FOXP1: variants seen among roughly 807,000 people sequenced by gnomAD.
The protein encoded by FOXP1 is forkhead box protein P1.
A neutral mutation model predicts 98.2 loss-of-function variants in FOXP1; 15 were observed. The observed-to-expected ratio is 0.15, with a 90% CI of 0.10 to 0.24. FOXP1 has a LOEUF of 0.24. Ranked by LOEUF, FOXP1 falls within the 10% of genes least tolerant of loss-of-function variation. The pLI is 1.00. For synonymous variants in FOXP1, 371 were observed against 314.5 expected (o/e 1.18, Z -1.90); for missense variants, 633 against 848.5 (o/e 0.75, Z 3.15).
intron 7 of FOXP1, among the ~76,000 whole-genome samples, chr3:71,056,180 A>G (rs1215134739): frequency 1.3e-5 from 2 of 152,198 alleles, no homozygotes; most frequent in Non-Finnish European, 2.9e-5. Flanking sequence ...TCATCCCTCA[A>G]TAAAACTGAT....
intron 3 of FOXP1, among the ~76,000 whole-genome samples, chr3:71,424,178 T>C (rs907420300): frequency 3.3e-5 from 5 of 152,144 alleles, no homozygotes; most frequent in African/African-American, 1.2e-4. Flanking sequence ...GGATGGTCCT[T>C]TAACCATAGT....
chr3:70,992,820 C>T (rs758709120), intron 13 of FOXP1, among the ~76,000 whole-genome samples: 1 of 152,146 alleles, frequency 6.6e-6, no homozygotes, highest in Non-Finnish European at 1.5e-5. Context: ...CACAGAAGGA[C>T]ATGGAAGTGA....
chr3:71,141,283 A>G (rs1304191502), intron 6 of FOXP1, among the ~76,000 whole-genome samples: 3 of 151,126 alleles, frequency 2.0e-5, no homozygotes, highest in East Asian at 1.9e-4. Flanking sequence ...AAAAAAAAAA[A>G]AAAGAAACTG....
intron 4 of FOXP1, among the ~76,000 whole-genome samples, chr3:71,345,934 T>C (rs2077328649): frequency 8.9e-6 from 1 of 112,328 alleles, no homozygotes; most frequent in African/African-American, 3.4e-5. Context: ...CAATATGCAA[T>C]GAGACAAAGT....
At chr3:71,008,679 C>A (rs571643972) in intron 12 of FOXP1, among the ~76,000 whole-genome samples, 3 of 152,042 alleles carry the variant, frequency 2.0e-5, no homozygotes, top group African/African-American at 7.2e-5. Context: ...TCTGATAAAG[C>A]GTCCCTCTGT....
chr3:70,983,621 C>T (rs1282616220), intron 14 of FOXP1, among the ~76,000 whole-genome samples: 3 of 152,192 alleles, frequency 2.0e-5, no homozygotes, highest in Non-Finnish European at 2.9e-5. Context: ...ATACCACCTA[C>T]ACTGTAATTA....
intron 3 of FOXP1, among the ~76,000 whole-genome samples, chr3:71,435,982 G>GGGAAGGAT (rs2085309976): frequency 2.7e-5 from 4 of 145,616 alleles, no homozygotes; most frequent in Non-Finnish European, 6.1e-5. Context: ...GAGGGAAGGA[G>GGGAAGGAT]GGAAGGAGGG....
intron 6 of FOXP1, among the ~76,000 whole-genome samples, chr3:71,194,291 C>T (rs1202143422): frequency 2.6e-5 from 4 of 151,182 alleles, no homozygotes; most frequent in Non-Finnish European, 5.9e-5. Flanking sequence ...AGAAAGAAAC[C>T]CCACAAAAAC....
intron 3 of FOXP1, among the ~76,000 whole-genome samples, chr3:71,377,152 G>A (rs1187552765): frequency 6.6e-6 from 1 of 152,078 alleles, no homozygotes; most frequent in African/African-American, 2.4e-5. Flanking sequence ...CTGATGCGAA[G>A]GTACCCAAAT....
At chr3:71,156,974 A>G (rs906646339) in intron 6 of FOXP1, among the ~76,000 whole-genome samples, 1 of 152,232 alleles carries the variant, frequency 6.6e-6, no homozygotes, top group African/African-American at 2.4e-5. Context: ...CGAGGTGACT[A>G]AAGAAAAGCC....
intron 7 of FOXP1, chr3:71,064,798 G>A (rs888189390): frequency 2.0e-6 from 2 of 984,964 alleles, no homozygotes; most frequent in Non-Finnish European, 2.4e-6. Context: ...GAGCGAAACC[G>A]GCAAAGATCA....
intron 3 of FOXP1, among the ~76,000 whole-genome samples, chr3:71,474,122 A>T (rs2089606476): frequency 6.6e-6 from 1 of 152,214 alleles, no homozygotes; most frequent in African/African-American, 2.4e-5. Context: ...TAAATTCCAA[A>T]AAAGACTAGA....
At position 70,955,219 on chromosome 3, in the gene FOXP1, T is replaced by A. The variant is rs949438819; in HGVS notation, c.*4028A>T. The A allele has an allele frequency of 4.3e-6, 1 of 232,152 alleles. No homozygotes were observed. Among genetic ancestry groups the A allele is most frequent in the Non-Finnish European group, 8.5e-6 (1 of 117,528 alleles). The allele number at this position is 232,152 out of a possible 1,614,324, so 14.4% of individuals were successfully genotyped here. A position where few individuals can be genotyped will look rare whatever the true frequency, so the allele number is the denominator to read the frequency against. ...GAGAGGAAATATTTTTTAACTCTAT[T>A]TTTTTTCATGAGGAAAAAAAAGCTA... On this transcript the variant is annotated 3_prime_UTR_variant, in exon 21 of 21. Coordinates refer to ENST00000649528, the MANE Select transcript of FOXP1 (RefSeq NM_001349338.3).
chr3:71,306,435 C>T (rs1373201816), intron 4 of FOXP1, among the ~76,000 whole-genome samples: 1 of 151,936 alleles, frequency 6.6e-6, no homozygotes, highest in African/African-American at 2.4e-5. Flanking sequence ...TTTGTTTAGT[C>T]ACAATTGTCA....
chr3:71,345,541 C>T (rs1438658224), intron 4 of FOXP1, among the ~76,000 whole-genome samples: 2 of 152,014 alleles, frequency 1.3e-5, no homozygotes, highest in African/African-American at 4.8e-5. Context: ...TTCTAACTGC[C>T]TTTTTCTCAA....
At chr3:71,035,406 A>C (rs556433720) in intron 11 of FOXP1, among the ~76,000 whole-genome samples, 4 of 152,320 alleles carry the variant, frequency 2.6e-5, no homozygotes, top group African/African-American at 9.6e-5. Flanking sequence ...TAAATATTTC[A>C]GTTTTCGTAG....
At chr3:70,992,766 G>C (rs1215425857) in intron 13 of FOXP1, among the ~76,000 whole-genome samples, 1 of 152,158 alleles carries the variant, frequency 6.6e-6, no homozygotes, top group Non-Finnish European at 1.5e-5. Flanking sequence ...TGCTCCCAGA[G>C]TAAGGCAGGA....
intron 7 of FOXP1, among the ~76,000 whole-genome samples, chr3:71,060,606 T>C (rs2051341649): frequency 6.6e-6 from 1 of 152,126 alleles, no homozygotes; most frequent in Non-Finnish European, 1.5e-5. Context: ...TGTAACAGGT[T>C]AGATGAAAAA....
chr3:71,565,854 G>A (rs369230145), intron 2 of FOXP1, among the ~76,000 whole-genome samples: 1 of 152,150 alleles, frequency 6.6e-6, no homozygotes, highest in Non-Finnish European at 1.5e-5. Flanking sequence ...AGGGGGTAAC[G>A]CTGGGTGATC....
Sources: allele counts gnomAD v4.1 joint callset (sites outside exome capture counted in the v4.1 genomes callset), GRCh38; gene constraint gnomAD v4.1.1; transcripts MANE v1.5; gene names NCBI Gene and HGNC (gene_info 2026-07-23, HGNC 2026-07-21).